Variants in OSBPL8 observed in about 807,000 individuals in gnomAD.
OSBPL8 encodes oxysterol-binding protein-related protein 8.
A neutral mutation model predicts 125.5 loss-of-function variants in OSBPL8; 59 were observed. The ratio of observed to expected loss-of-function variants is 0.47; its 90% CI spans 0.38 to 0.58. The LOEUF is 0.58. Among genes scored for constraint, OSBPL8 ranks in the 20% least tolerant of loss-of-function variants. The probability of loss-of-function intolerance (pLI) is 0.00; values close to 1 mark genes in which losing one functional copy is unlikely to be tolerated. For missense variants in OSBPL8, 758 were observed against 1,047.8 expected (o/e 0.72, Z 3.82); for synonymous variants, 330 against 338.9 (o/e 0.97, Z 0.29).
chr12:76,528,783 G>A (rs1950253817), intron 1 of OSBPL8, among the ~76,000 whole-genome samples: 1 of 152,086 alleles, frequency 6.6e-6, no homozygotes, highest in Admixed American at 6.6e-5. Flanking sequence ...GAGCCCAGAA[G>A]GCAGAGGTTG....
intron 15 of OSBPL8, 91 bp downstream of exon 15, chr12:76,384,163 T>C: frequency 1.6e-6 from 1 of 620,074 alleles, no homozygotes; most frequent in Non-Finnish European, 2.6e-6. Context: ...AAACTCCTTG[T>C]TGAAAATAGC....
chr12:76,415,172 A>T (rs1039075736), intron 4 of OSBPL8, among the ~76,000 whole-genome samples: 2 of 152,078 alleles, frequency 1.3e-5, no homozygotes, highest in African/African-American at 4.8e-5. Flanking sequence ...TCTTTCATTT[A>T]ACGGTTGGTA....
intron 6 of OSBPL8, among the ~76,000 whole-genome samples, chr12:76,400,214 T>C (rs1296418741): frequency 3.3e-5 from 5 of 152,286 alleles, no homozygotes; most frequent in African/African-American, 9.6e-5. Context: ...CCTCTGTGTG[T>C]CCATGTGTTC....
At chr12:76,492,281 G>A (rs552270619) in intron 1 of OSBPL8, among the ~76,000 whole-genome samples, 1 of 152,324 alleles carries the variant, frequency 6.6e-6, no homozygotes, top group African/African-American at 2.4e-5. Context: ...GAAGCTGCCA[G>A]TGCCAAGGTC....
intron 2 of OSBPL8, among the ~76,000 whole-genome samples, chr12:76,479,242 TA>T (rs1187957782): frequency 6.6e-6 from 1 of 152,146 alleles, no homozygotes; most frequent in Non-Finnish European, 1.5e-5. Context: ...GATAAAAGCT[TA>T]AGGGGATGGA....
intron 4 of OSBPL8, among the ~76,000 whole-genome samples, chr12:76,416,380 T>G (rs1279806683): frequency 6.6e-6 from 1 of 152,000 alleles, no homozygotes; most frequent in African/African-American, 2.4e-5. Flanking sequence ...GAAGGTATAT[T>G]CTATAGTTGT....
intron 1 of OSBPL8, among the ~76,000 whole-genome samples, chr12:76,527,282 A>G (rs1317122607): frequency 1.3e-5 from 2 of 152,128 alleles, no homozygotes; most frequent in African/African-American, 4.8e-5. Flanking sequence ...GGCAACTTAC[A>G]ATAACTACAA....
At chr12:76,542,605 A>G (rs986950003) in intron 1 of OSBPL8, among the ~76,000 whole-genome samples, 38 of 152,202 alleles carry the variant, frequency 2.5e-4, no homozygotes, top group Admixed American at 2.5e-3. Context: ...TTTTAGAACC[A>G]CTGGCCTACA....
At chr12:76,422,387 A>C (rs1009836038) in intron 4 of OSBPL8, 1 of 361,754 alleles carries the variant, frequency 2.8e-6, no homozygotes, top group Non-Finnish European at 5.4e-6. Flanking sequence ...CAGTTACTGA[A>C]ACCTAAGCTT....
At chr12:76,366,501 G>T in intron 21 of OSBPL8, 6 of 361,870 alleles carry the variant, frequency 1.7e-5, no homozygotes, top group East Asian at 8.3e-5. Context: ...TTTTGGTTTG[G>T]TTTCACAAAT....
chr12:76,498,773 G>C (rs1451784061), intron 1 of OSBPL8, among the ~76,000 whole-genome samples: 1 of 137,430 alleles, frequency 7.3e-6, no homozygotes, highest in Non-Finnish European at 1.5e-5. Context: ...AGAATGGAGT[G>C]CAGTGGTGCC....
intron 1 of OSBPL8, among the ~76,000 whole-genome samples, chr12:76,514,304 C>A (rs1363353685): frequency 6.8e-6 from 1 of 146,534 alleles, no homozygotes; most frequent in African/African-American, 2.5e-5. Context: ...GCCACCACGC[C>A]CAGCTAATTT....
chr12:76,403,889 A>G lies in OSBPL8; in HGVS notation c.289-1123T>C, dbSNP rs78026859. On this transcript the variant is annotated intron_variant, in intron 5 of 23. Transcript: ENST00000261183. ...ATGATACCCAGTGTGTATCACCCGA[A>G]GAAAAGAATGAACTTAGTAAATATC... is the stretch of plus-strand genomic sequence containing the variant. 9.6e-3 allele frequency among the ~76,000 whole-genome samples: 1,457 copies of G among 152,326 alleles called. 29 individuals carry two copies. The highest frequency in any genetic ancestry group is 0.034 in the African/African-American group (1,413 of 41,584).
At chr12:76,440,236 T>C (rs1872013511) in intron 4 of OSBPL8, among the ~76,000 whole-genome samples, 1 of 152,150 alleles carries the variant, frequency 6.6e-6, no homozygotes, top group Admixed American at 6.5e-5. Context: ...GCAGACTTTA[T>C]ACAGCTGCAC....
In OSBPL8 at chr12:76,384,348, C is replaced by A; in HGVS notation, c.1536G>T (p.Val512=). ...NSKTFYIAEQ[V]SHHPPISAFY... ...AGGCAGATATTGGTGGATGATGGGA[C>A]ACCTATTAAACATAAGAAAAACATG... Residue 512 remains valine (V), a splice_region_variant and synonymous_variant, in exon 15 of 24, where the codon GTG becomes GTT. Transcript: ENST00000261183. 1 of 1,516,754 alleles carries A rather than the reference C, an allele frequency of 6.6e-7. No homozygotes were observed. 94.0% of individuals were successfully genotyped at this position (1,516,754 alleles called of 1,614,324 possible). A position where few individuals can be genotyped will look rare whatever the true frequency, so the allele number is the denominator to read the frequency against.
chr12:76,558,200 C>T (rs1014352717), intron 1 of OSBPL8, among the ~76,000 whole-genome samples: 2 of 152,084 alleles, frequency 1.3e-5, no homozygotes, highest in African/African-American at 2.4e-5. Flanking sequence ...ATTGCATGGC[C>T]TTACTTTTCC....
intron 4 of OSBPL8, chr12:76,422,612 G>C (rs1195300799): frequency 8.8e-6 from 4 of 456,548 alleles, no homozygotes; most frequent in Non-Finnish European, 1.3e-5. Context: ...CAAAACCCCA[G>C]TACAGGAAGA....
At chr12:76,388,119 T>C (rs988608165) in intron 12 of OSBPL8, among the ~76,000 whole-genome samples, 1 of 152,190 alleles carries the variant, frequency 6.6e-6, no homozygotes, top group Non-Finnish European at 1.5e-5. Flanking sequence ...TTCTTCCTTA[T>C]ATGGGTGGAT....
intron 1 of OSBPL8, among the ~76,000 whole-genome samples, chr12:76,551,525 G>C (rs1592907599): frequency 6.6e-6 from 1 of 152,290 alleles, no homozygotes; most frequent in East Asian, 1.9e-4. Flanking sequence ...AAACTCTTCA[G>C]ACTTGTATAG....
Sources: gnomAD v4.1 joint callset for allele counts (sites outside exome capture counted in the v4.1 genomes callset) on GRCh38, gnomAD v4.1.1 for gene constraint, MANE v1.5 for transcripts, NCBI Gene and HGNC (gene_info 2026-07-23, HGNC 2026-07-21) for gene names.